Variants in TMED8 observed in about 807,000 individuals in gnomAD.
The protein encoded by TMED8 is transmembrane p24 trafficking protein family member 8, also known as protein TMED8.
Under a neutral mutation model 32.7 loss-of-function variants are expected in TMED8, and 15 were observed. The observed-to-expected ratio is 0.46, with a 90% CI of 0.31 to 0.71. The LOEUF is 0.71. Ranked by LOEUF, TMED8 falls within the 30% of genes least tolerant of loss-of-function variation. The pLI, the probability that TMED8 is intolerant of heterozygous loss-of-function variation, is 0.06. For missense variants in TMED8, 390 were observed against 423.9 expected (o/e 0.92, Z 0.70); for synonymous variants, 147 against 161.4 (o/e 0.91, Z 0.68).
rs1334494184 is a variant in TMED8, at chr14:77,335,335, G to A, written c.*6436C>T. On this transcript the variant is annotated 3_prime_UTR_variant, in exon 6 of 6. Transcript: ENST00000216468. Reference sequence around the variant, plus strand: ...TGATAGGGGACATGTAAAACAAGCTGACCATAATAAATGATTAGTTGGGAT... The same window carrying A: ...TGATAGGGGACATGTAAAACAAGCTAACCATAATAAATGATTAGTTGGGAT... 1 of 152,176 alleles carries A rather than the reference G, an allele frequency of 6.6e-6. No homozygotes were observed. Among genetic ancestry groups the A allele is most frequent in the Non-Finnish European group, 1.5e-5 (1 of 68,028 alleles). 9.4% of individuals were successfully genotyped at this position (152,176 alleles called of 1,614,324 possible).
At chr14:77,354,092 T>C (rs1018880364) in intron 1 of TMED8, among the ~76,000 whole-genome samples, 1 of 152,196 alleles carries the variant, frequency 6.6e-6, no homozygotes, top group Admixed American at 6.6e-5. Context: ...TGGCTCCCTT[T>C]AGCCGCTCCA....
chr14:77,352,969 G>C (rs1395483484), intron 1 of TMED8, among the ~76,000 whole-genome samples: 1 of 152,078 alleles, frequency 6.6e-6, no homozygotes, highest in Admixed American at 6.6e-5. Context: ...ATGATTTACT[G>C]AATAACTAGG....
chr14:77,372,936 ATATATATATATATATATTTTTTTT>A (rs1893717217), intron 1 of TMED8, among the ~76,000 whole-genome samples: 2 of 30,666 alleles, frequency 6.5e-5, no homozygotes, highest in African/African-American at 5.1e-4. Flanking sequence ...ATATATATAT[ATATATATATATATATATTTTTTTT>A]TTTTTTTTTT....
intron 1 of TMED8, among the ~76,000 whole-genome samples, chr14:77,357,893 G>A (rs531285920): frequency 6.6e-6 from 1 of 152,264 alleles, no homozygotes; most frequent in South Asian, 2.1e-4. Context: ...GGAGGCTGAG[G>A]CAGGTGGATC....
intron 5 of TMED8, 80 bp from the exon 6 acceptor site, chr14:77,342,068 T>C: frequency 8.0e-7 from 1 of 1,257,658 alleles, no homozygotes; most frequent in Non-Finnish European, 1.1e-6. Context: ...GGTGACCCAG[T>C]GGCTTTCACA....
Position 77,340,345 on chromosome 14 carries a change from A to T in TMED8, c.*1426T>A, listed in dbSNP as rs1339747869. ...CAGAACAGATGGGAAGCCTTCTGAG[A>T]AACAGATGGAAACTGTTTCAAAGGC... is the stretch of plus-strand genomic sequence containing the variant. On this transcript the variant is annotated 3_prime_UTR_variant, in exon 6 of 6. Coordinates refer to ENST00000216468, the MANE Select transcript of TMED8 (RefSeq NM_213601.3). 1 of 152,238 alleles carries T rather than the reference A, an allele frequency of 6.6e-6. No individual in the cohort carries two copies. Among genetic ancestry groups the T allele is most frequent in the Non-Finnish European group, 1.5e-5 (1 of 68,042 alleles). The allele number at this position is 152,238 out of a possible 1,614,324, so 9.4% of individuals were successfully genotyped here.
chr14:77,367,249 A>T (rs1173387330), intron 1 of TMED8, among the ~76,000 whole-genome samples: 3 of 151,032 alleles, frequency 2.0e-5, no homozygotes, highest in Non-Finnish European at 3.0e-5. Context: ...CTAAAAAAAA[A>T]AAAAAAAAAA....
intron 1 of TMED8, among the ~76,000 whole-genome samples, chr14:77,364,083 C>T (rs1226346820): frequency 6.6e-6 from 1 of 152,224 alleles, no homozygotes; most frequent in African/African-American, 2.4e-5. Flanking sequence ...CCTGGCACAT[C>T]AGAGTACATT....
At chr14:77,364,763 CA>C (rs761245029) in intron 1 of TMED8, among the ~76,000 whole-genome samples, 1 of 152,186 alleles carries the variant, frequency 6.6e-6, no homozygotes, top group Non-Finnish European at 1.5e-5. Flanking sequence ...AAAACCTTGT[CA>C]AGGTCTACAC....
chr14:77,363,708 CTT>C (rs111961346), intron 1 of TMED8, among the ~76,000 whole-genome samples: 3 of 144,866 alleles, frequency 2.1e-5, no homozygotes, highest in African/African-American at 2.5e-5. Context: ...CATTATTCCT[CTT>C]TTTTTTTTTT....
In TMED8 at chr14:77,370,864, G is replaced by A. The variant is rs147075217; in HGVS notation, c.118+6072C>T. ...CTTGAGAGGCTGATGCAGGAGAATC[G>A]CTTGAACCCGGGAGGCGGAGGTTGC... On this transcript the variant is annotated intron_variant, in intron 1 of 5. Coordinates refer to ENST00000216468, the MANE Select transcript of TMED8 (RefSeq NM_213601.3). 5.7e-3 allele frequency among the ~76,000 whole-genome samples: 863 copies of A among 151,774 alleles called. 5 individuals are homozygous for A. The highest frequency in any genetic ancestry group is 0.019 in the African/African-American group (801 of 41,370).
intron 1 of TMED8, among the ~76,000 whole-genome samples, chr14:77,363,855 GA>G (rs1018519340): frequency 6.6e-6 from 1 of 152,082 alleles, no homozygotes; most frequent in Non-Finnish European, 1.5e-5. Context: ...TGACTGTGTG[GA>G]TGTACACCAT....
Position 77,346,427 on chromosome 14 carries a change from T to G in TMED8, c.249A>C (p.Lys83Asn). ...VSKDATEDLR[K>N]ATGPLEAQAL... ...CCTGAGCCTCCAAAGGACCAGTTGC[T>G]TTCCGCAGATCTTCCGTGGCATCCT... The change falls in exon 3 of 6, where the codon AAA (lysine) becomes AAC (asparagine). Residue 83 changes from lysine to asparagine, a missense_variant. By Grantham distance (94) the Lys-to-Asn change is moderately conservative. Transcript: ENST00000216468. 1 of 1,614,188 alleles carries G rather than the reference T, an allele frequency of 6.2e-7. No homozygotes were observed.
chr14:77,370,635 A>C (rs577898512), intron 1 of TMED8, among the ~76,000 whole-genome samples: 15 of 152,160 alleles, frequency 9.9e-5, no homozygotes, highest in Non-Finnish European at 1.9e-4. Flanking sequence ...AAAGCATATA[A>C]GTATACAGTG....
intron 1 of TMED8, among the ~76,000 whole-genome samples, chr14:77,358,124 C>CGAA (rs1893334114): frequency 1.3e-5 from 1 of 76,232 alleles, no homozygotes; most frequent in Non-Finnish European, 2.3e-5. Flanking sequence ...GCTCTGTCTC[C>CGAA]AAAAAAAAAA....
chr14:77,351,565 T>C (rs1158812323), intron 2 of TMED8, 108 bp downstream of exon 2: 4 of 1,059,094 alleles, frequency 3.8e-6, no homozygotes, highest in Non-Finnish European at 5.6e-6. Flanking sequence ...CCGGCCCACA[T>C]TCTTTACTTT....
chr14:77,343,440 G>T lies in TMED8; in HGVS notation c.498C>A (p.Ala166=), dbSNP rs776626456. 74 of 1,613,580 alleles carry T rather than the reference G, an allele frequency of 4.6e-5. No homozygotes were observed. Among genetic ancestry groups the T allele is most frequent in the Non-Finnish European group, 6.3e-5 (74 of 1,179,774 alleles). The change falls in exon 5 of 6, where the codon GCC becomes GCA. Residue 166 remains alanine, a synonymous_variant. Coordinates refer to ENST00000216468, the MANE Select transcript of TMED8 (RefSeq NM_213601.3). ...LMAPPCIWTF[A]KVKEFKSKLG... ...GCTTGCTTTTGAATTCCTTCACCTTGGCAAAGGTCCAGATGCATGGAGGAG... is the reference window on the plus strand; with the variant it reads ...GCTTGCTTTTGAATTCCTTCACCTTTGCAAAGGTCCAGATGCATGGAGGAG...
At chr14:77,375,013 A>C (rs1893780101) in intron 1 of TMED8, among the ~76,000 whole-genome samples, 1 of 152,240 alleles carries the variant, frequency 6.6e-6, no homozygotes, top group Admixed American at 6.5e-5. Flanking sequence ...CAGGTAAGTT[A>C]ACCTTTCTCA....
chr14:77,350,693 G>A (rs1223894757), intron 2 of TMED8, among the ~76,000 whole-genome samples: 1 of 151,800 alleles, frequency 6.6e-6, no homozygotes, highest in Non-Finnish European at 1.5e-5. Flanking sequence ...CATGCCTGTG[G>A]TCCTAGCTAC....
Sources: gnomAD v4.1 joint callset for allele counts (sites outside exome capture counted in the v4.1 genomes callset) on GRCh38, gnomAD v4.1.1 for gene constraint, MANE v1.5 for transcripts, NCBI Gene and HGNC (gene_info 2026-07-23, HGNC 2026-07-21) for gene names.